The following SLC3A1 variants were observed in gnomAD, a reference collection of about 807,000 sequenced individuals.
SLC3A1 encodes the protein amino acid transporter heavy chain SLC3A1.
A neutral mutation model predicts 60.3 loss-of-function variants in SLC3A1; 78 were observed. That is an observed-to-expected ratio of 1.29 (90% confidence interval 1.08 to 1.56). The LOEUF is 1.56. SLC3A1 is among the 40% of genes most tolerant of loss of function. The pLI, the probability that SLC3A1 is intolerant of heterozygous loss-of-function variation, is 0.00. For synonymous variants in SLC3A1, 392 were observed against 307.9 expected, an observed-to-expected ratio of 1.27 and a Z score of -2.86; for missense variants, 1,172 against 858.9, an observed-to-expected ratio of 1.36 and a Z score of -4.56.
intron 4 of SLC3A1, among the ~76,000 whole-genome samples, chr2:44,287,067 C>A (rs550072565): frequency 6.6e-6 from 1 of 152,222 alleles, no homozygotes; most frequent in African/African-American, 2.4e-5. Context: ...TAAATATTAA[C>A]ATATTGCCTA....
Position 44,313,844 on chromosome 2 carries a change from C to T in SLC3A1, c.1510C>T (p.Arg504Cys), listed in dbSNP as rs201143887. ...TGGTCTTTTGACATAGAATACCCTT[C>T]GCTCAAAGTCACCAATGCAGTGGGA... ...LNESYDINTL[R>C]SKSPMQWDNS... The change falls in exon 9 of 10, where the codon CGC (arginine) becomes TGC (cysteine). Residue 504 changes from arginine to cysteine, a missense_variant. Arg to Cys is a radical substitution (Grantham distance 180). Transcript: ENST00000260649. 1.9e-4 allele frequency: 310 copies of T among 1,613,294 alleles called. No individual in the cohort carries two copies. The highest frequency in any genetic ancestry group is 2.5e-4 in the Non-Finnish European group (294 of 1,179,218).
chr2:44,309,442 G>A (rs1182156000), intron 7 of SLC3A1, among the ~76,000 whole-genome samples: 2 of 152,136 alleles, frequency 1.3e-5, no homozygotes, highest in East Asian at 1.9e-4. Flanking sequence ...TATGTAACAC[G>A]TTATCTATTC....
At chr2:44,285,882 G>A (rs1671601542) in intron 3 of SLC3A1, 150 bp from the exon 4 acceptor site, 2 of 965,250 alleles carry the variant, frequency 2.1e-6, no homozygotes, top group Non-Finnish European at 3.4e-6. Context: ...GGGGTATTTG[G>A]AAGGGGTTTC....
At position 44,320,347 on chromosome 2, in the gene SLC3A1, T is replaced by C; in HGVS notation, c.1766T>C (p.Ile589Thr). 6.2e-7 allele frequency: 1 copy of C among 1,614,158 alleles called. No individual in the cohort carries two copies. The highest frequency in any genetic ancestry group is 8.5e-7 in the Non-Finnish European group (1 of 1,179,984). The change falls in exon 10 of 10, where the codon ATC (isoleucine) becomes ACC (threonine). Residue 589 changes from isoleucine (I) to threonine (T), a missense_variant. Coordinates refer to ENST00000260649, the MANE Select transcript of SLC3A1 (RefSeq NM_000341.4). ...YVVYTRELDG[I>T]DRIFIVVLNF... The stretch of plus-strand genomic sequence containing the variant: ...GTGTACACAAGAGAGCTGGATGGCA[T>C]CGACAGAATCTTTATCGTGGTTCTG...
At chr2:44,286,781 T>C (rs909442949) in intron 4 of SLC3A1, among the ~76,000 whole-genome samples, 78 of 141,318 alleles carry the variant, frequency 5.5e-4, no homozygotes, top group Non-Finnish European at 9.6e-4. Context: ...AGCTGTGCGG[T>C]GCCTGTGACG....
At chr2:44,310,585 C>T (rs1292732406) in intron 7 of SLC3A1, among the ~76,000 whole-genome samples, 1 of 152,034 alleles carries the variant, frequency 6.6e-6, no homozygotes, top group East Asian at 1.9e-4. Context: ...AACGGTTTGA[C>T]TGATATGTCT....
At chr2:44,305,261 T>C (rs1672123467) in intron 7 of SLC3A1, among the ~76,000 whole-genome samples, 1 of 152,088 alleles carries the variant, frequency 6.6e-6, no homozygotes, top group South Asian at 2.1e-4. Context: ...CCTGATCTGA[T>C]TTTTCTGTCT....
At chr2:44,294,070 T>C (rs1671796441) in intron 4 of SLC3A1, among the ~76,000 whole-genome samples, 1 of 152,084 alleles carries the variant, frequency 6.6e-6, no homozygotes, top group Non-Finnish European at 1.5e-5. Context: ...CAAGGAGCAC[T>C]GACATCAAAG....
chr2:44,301,497 G>A, intron 6 of SLC3A1: 1 of 399,228 alleles, frequency 2.5e-6, no homozygotes, highest in South Asian at 2.3e-5. Flanking sequence ...ACCCAGCACT[G>A]TAGGAGGCCA....
chr2:44,309,376 A>C (rs1672237560), intron 7 of SLC3A1, among the ~76,000 whole-genome samples: 1 of 152,186 alleles, frequency 6.6e-6, no homozygotes, highest in Non-Finnish European at 1.5e-5. Context: ...TCATACATAC[A>C]ATAGCATGTA....
chr2:44,308,643 A>G (rs1168659566), intron 7 of SLC3A1, among the ~76,000 whole-genome samples: 1 of 152,206 alleles, frequency 6.6e-6, no homozygotes, highest in Non-Finnish European at 1.5e-5. Flanking sequence ...GTATAGAAAT[A>G]CAATAGATTT....
chr2:44,304,251 G>A lies in SLC3A1; in HGVS notation c.1245G>A (p.Met415Ile). 1 of 1,614,116 alleles carries A rather than the reference G, an allele frequency of 6.2e-7. No individual in the cohort carries two copies. Among genetic ancestry groups the A allele is most frequent in the Non-Finnish European group, 8.5e-7 (1 of 1,179,962 alleles). The change falls in exon 7 of 10, where the codon ATG becomes ATA. Residue 415 changes from methionine (M) to isoleucine (I), a missense_variant. Transcript: ENST00000260649. The stretch of plus-strand genomic sequence containing the variant: ...TTCCCTTCAACAATTACCTCAGCAT[G>A]CTAGACACTGTTTCTGGGAACAGCG... ...ADFPFNNYLSMLDTVSGNSVY... is the reference protein window; with the variant it reads ...ADFPFNNYLSILDTVSGNSVY...
chr2:44,279,330 A>G (rs565274936), intron 1 of SLC3A1, among the ~76,000 whole-genome samples: 2 of 152,200 alleles, frequency 1.3e-5, no homozygotes, highest in Non-Finnish European at 2.9e-5. Flanking sequence ...TGCCCTGTCT[A>G]TTCTTGCTCC....
intron 7 of SLC3A1, among the ~76,000 whole-genome samples, chr2:44,306,166 A>G (rs768546968): frequency 7.2e-5 from 11 of 152,154 alleles, no homozygotes; most frequent in Admixed American, 2.0e-4. Context: ...ACACTAGTCA[A>G]TATCTTCTGT....
chr2:44,320,753 T>C lies in SLC3A1; in HGVS notation c.*114T>C, dbSNP rs1485211019. On this transcript the variant is annotated 3_prime_UTR_variant, in exon 10 of 10. Coordinates refer to ENST00000260649, the MANE Select transcript of SLC3A1 (RefSeq NM_000341.4). ...ACAATCATTAATTCTTCGATATTTC[T>C]GTAGCTTGAATGTAACTGCTTTAAG... The C allele has an allele frequency of 1.1e-6, 1 of 879,868 alleles. No individual in the cohort carries two copies. Among genetic ancestry groups the C allele is most frequent in the East Asian group, 2.5e-5 (1 of 39,478 alleles). The allele number at this position is 879,868 out of a possible 1,614,324, so 54.5% of individuals were successfully genotyped here. A position where few individuals can be genotyped will look rare whatever the true frequency, so the allele number is the denominator to read the frequency against.
intron 4 of SLC3A1, among the ~76,000 whole-genome samples, chr2:44,295,357 C>T (rs1283615246): frequency 6.6e-6 from 1 of 152,168 alleles, no homozygotes; most frequent in Non-Finnish European, 1.5e-5. Flanking sequence ...TCCACGGCAC[C>T]TACATGGGTC....
chr2:44,294,302 C>T (rs893129217), intron 4 of SLC3A1, among the ~76,000 whole-genome samples: 1 of 151,516 alleles, frequency 6.6e-6, no homozygotes, highest in Non-Finnish European at 1.5e-5. Flanking sequence ...GTCAGGAGTT[C>T]GAGATGAGCC....
At chr2:44,298,954 C>G (rs756338216) in intron 4 of SLC3A1, among the ~76,000 whole-genome samples, 2 of 151,684 alleles carry the variant, frequency 1.3e-5, no homozygotes, top group African/African-American at 2.4e-5. Flanking sequence ...GTATGAGAAC[C>G]TGGATTTTTA....
At chr2:44,298,488 C>T (rs1390816745) in intron 4 of SLC3A1, among the ~76,000 whole-genome samples, 2 of 152,178 alleles carry the variant, frequency 1.3e-5, no homozygotes, top group African/African-American at 2.4e-5. Context: ...AAGCAATTCT[C>T]ATGCTCAGCC....
Sources: allele counts gnomAD v4.1 joint callset (sites outside exome capture counted in the v4.1 genomes callset), GRCh38; gene constraint gnomAD v4.1.1; transcripts MANE v1.5; gene names NCBI Gene and HGNC (gene_info 2026-07-23, HGNC 2026-07-21).